The following NALCN variants were observed in gnomAD, a reference collection of about 807,000 sequenced individuals.
NALCN encodes the protein sodium leak channel NALCN.
In NALCN, 111 loss-of-function variants were observed where a neutral mutation model predicts 225.3. The ratio of observed to expected loss-of-function variants is 0.49; its 90% CI spans 0.42 to 0.58. The LOEUF is 0.58. NALCN is among the 20% of genes least tolerant of loss of function. The pLI, the probability that NALCN is intolerant of heterozygous loss-of-function variation, is 0.00. For synonymous variants in NALCN, 764 were observed against 769.0 expected (o/e 0.99, Z 0.11); for missense variants, 1,378 against 2,202.4 (o/e 0.63, Z 7.49).
At chr13:101,118,294 G>T (rs983717476) in intron 18 of NALCN, among the ~76,000 whole-genome samples, 7 of 151,980 alleles carry the variant, frequency 4.6e-5, no homozygotes, top group Non-Finnish European at 7.4e-5. Context: ...AAACTCAATA[G>T]TAGCCCTTCT....
Position 101,104,912 on chromosome 13 carries a change from G to A in NALCN, c.2618C>T (p.Thr873Ile). 1 of 1,613,776 alleles carries A rather than the reference G, an allele frequency of 6.2e-7. No individual in the cohort carries two copies. The highest frequency in any genetic ancestry group is 1.1e-5 in the South Asian group (1 of 91,072). ...TDPVTGAVKN[T>I]KYHQLYDLLG... ...TGCTTACTAAAGTTGATGGTACTTT[G>A]TATTTTTCACAGCTCCTGTGACAGG... The change falls in exon 23 of 44, where the codon ACA becomes ATA. Residue 873 changes from threonine (T) to isoleucine (I), a missense_variant. Around this residue, in one of 19 missense-constraint regions of NALCN, gnomAD observed 292 missense variants for 409.5 expected, o/e 0.71. Transcript: ENST00000251127. This position sits in a 1 kb window ranked among gnomAD's most constrained non-coding sequence, Gnocchi z 4.2.
At chr13:101,214,809 T>C (rs1287677672) in intron 13 of NALCN, among the ~76,000 whole-genome samples, 2 of 152,086 alleles carry the variant, frequency 1.3e-5, no homozygotes, top group Admixed American at 6.6e-5. Flanking sequence ...TTATTGGTTT[T>C]AAACCTCAGA....
At chr13:101,163,986 C>T (rs1364057643) in intron 15 of NALCN, among the ~76,000 whole-genome samples, 1 of 152,094 alleles carries the variant, frequency 6.6e-6, no homozygotes, top group Non-Finnish European at 1.5e-5. Context: ...TTCATCATCA[C>T]ACAGTGCTCT....
intron 13 of NALCN, among the ~76,000 whole-genome samples, chr13:101,214,729 G>A (rs1290183601): frequency 6.6e-6 from 1 of 152,112 alleles, no homozygotes; most frequent in Non-Finnish European, 1.5e-5. Context: ...TGTTGTGTCA[G>A]AGATAAGGTA....
At chr13:101,223,605 A>G (rs902184864) in intron 13 of NALCN, among the ~76,000 whole-genome samples, 1 of 152,116 alleles carries the variant, frequency 6.6e-6, no homozygotes, top group African/African-American at 2.4e-5. Context: ...CACATCCCCT[A>G]TCGACCTCAA....
intron 1 of NALCN, among the ~76,000 whole-genome samples, chr13:101,400,461 T>TG (rs1271688950): frequency 1.3e-5 from 2 of 151,938 alleles, no homozygotes; most frequent in African/African-American, 4.8e-5. Context: ...TCCTATCTGG[T>TG]GCTCCATGGG....
At chr13:101,224,377 T>C (rs2041057199) in intron 13 of NALCN, among the ~76,000 whole-genome samples, 1 of 152,202 alleles carries the variant, frequency 6.6e-6, no homozygotes, top group Admixed American at 6.5e-5. Flanking sequence ...CAAGGAACTT[T>C]CCAGGACTTT....
chr13:101,057,215 C>T (rs1207840625), intron 43 of NALCN: 1 of 152,342 alleles, frequency 6.6e-6, no homozygotes, highest in Admixed American at 6.5e-5. Context: ...TGTACAAGGA[C>T]ACTGGGCTGT....
chr13:101,324,219 A>G (rs1055768901), intron 7 of NALCN, among the ~76,000 whole-genome samples: 4 of 152,184 alleles, frequency 2.6e-5, no homozygotes, highest in African/African-American at 9.7e-5. Flanking sequence ...ACTGGCTTGT[A>G]GAAGAGTAAA....
chr13:101,234,802 T>C (rs1230024898), intron 12 of NALCN, among the ~76,000 whole-genome samples: 1 of 152,082 alleles, frequency 6.6e-6, no homozygotes, highest in East Asian at 1.9e-4. Flanking sequence ...AACTTCACTG[T>C]GATTTGACTA....
chr13:101,104,580 T>A lies in NALCN; in HGVS notation c.2707A>T (p.Met903Leu), dbSNP rs768026538. 13 of 1,613,854 alleles carry A rather than the reference T, an allele frequency of 8.1e-6. No homozygotes were observed. Among genetic ancestry groups the A allele is most frequent in the Non-Finnish European group, 4.2e-6 (5 of 1,179,928 alleles). The change falls in exon 24 of 44, where the codon ATG becomes TTG. Residue 903 changes from methionine to leucine, a missense_variant. By Grantham distance (15) the Met-to-Leu change is conservative. Around this residue, in one of 19 missense-constraint regions of NALCN, gnomAD observed 292 missense variants for 409.5 expected, o/e 0.71. Coordinates refer to ENST00000251127, the MANE Select transcript of NALCN (RefSeq NM_052867.4). This position sits in a 1 kb window ranked among gnomAD's most constrained non-coding sequence, Gnocchi z 4.2. ...IIVTICSCIS[M>L]MFESPFRRVM... ...CTTCGAAACGGGGACTCAAACATCA[T>A]GGAAATGCAAGAGCAGATGGTTACG... is the stretch of plus-strand genomic sequence containing the variant.
chr13:101,287,138 T>C (rs541488058), intron 9 of NALCN, among the ~76,000 whole-genome samples: 6 of 152,354 alleles, frequency 3.9e-5, no homozygotes, highest in African/African-American at 1.2e-4. Context: ...TTTCTTAGGA[T>C]ACATTTCTAA....
intron 14 of NALCN, among the ~76,000 whole-genome samples, chr13:101,183,233 G>A (rs923002741): frequency 6.6e-6 from 1 of 152,112 alleles, no homozygotes; most frequent in African/African-American, 2.4e-5. Context: ...ATGTTGCTGT[G>A]CCAAAAGGTT....
intron 17 of NALCN, among the ~76,000 whole-genome samples, chr13:101,137,793 G>A (rs2139763436): frequency 6.6e-6 from 1 of 152,290 alleles, no homozygotes; most frequent in East Asian, 1.9e-4. Flanking sequence ...CTGACTTCAT[G>A]GTACAGTTTA....
At chr13:101,147,046 T>G (rs1325564014) in intron 15 of NALCN, among the ~76,000 whole-genome samples, 1 of 152,174 alleles carries the variant, frequency 6.6e-6, no homozygotes, top group Non-Finnish European at 1.5e-5. Flanking sequence ...AGGACTGGTA[T>G]GCATATTTTA....
intron 28 of NALCN, among the ~76,000 whole-genome samples, chr13:101,093,341 C>A (rs1054418709): frequency 2.0e-5 from 3 of 152,174 alleles, no homozygotes; most frequent in African/African-American, 7.2e-5. Flanking sequence ...TTTTCTTAAT[C>A]ATAATTTAGC....
chr13:101,076,817 T>G (rs146263634), intron 34 of NALCN, among the ~76,000 whole-genome samples: 2 of 152,336 alleles, frequency 1.3e-5, no homozygotes, highest in East Asian at 3.9e-4. Context: ...TCTTTGGGTT[T>G]AAGATTTCCT....
At chr13:101,346,090 T>TATATATATAC (rs2045726237) in intron 6 of NALCN, among the ~76,000 whole-genome samples, 2 of 109,896 alleles carry the variant, frequency 1.8e-5, no homozygotes, top group Non-Finnish European at 3.8e-5. Flanking sequence ...TCTCTCTCTA[T>TATATATATAC]ATATATATAT....
At chr13:101,399,784 G>T (rs61973731) in intron 1 of NALCN, among the ~76,000 whole-genome samples, 1 of 152,148 alleles carries the variant, frequency 6.6e-6, no homozygotes, top group Non-Finnish European at 1.5e-5. Flanking sequence ...TTACATTGAG[G>T]TGGGAGATGA....
Sources: gnomAD v4.1 joint callset for allele counts (sites outside exome capture counted in the v4.1 genomes callset) on GRCh38, gnomAD v4.1.1 for gene constraint, gnomAD v4.1.1 regional missense constraint, Gnocchi (gnomAD v3.1) non-coding constraint, MANE v1.5 for transcripts, NCBI Gene and HGNC (gene_info 2026-07-23, HGNC 2026-07-21) for gene names.